F10: variants seen among roughly 807,000 people sequenced by gnomAD.
The protein encoded by F10 is coagulation factor X, also known as Stuart-Prower factor.
A neutral mutation model predicts 37.1 loss-of-function variants in F10; 29 were observed. The observed-to-expected ratio is 0.78, with a 90% CI of 0.58 to 1.07. The LOEUF is 1.07. Among genes scored for constraint, F10 ranks in the 50% least tolerant of loss-of-function variants. The probability of loss-of-function intolerance (pLI) is 0.00; values close to 1 mark genes in which losing one functional copy is unlikely to be tolerated. For synonymous variants in F10, 262 were observed against 268.6 expected (o/e 0.98, Z 0.24); for missense variants, 539 against 667.9 (o/e 0.81, Z 2.13).
chr13:113,123,046 C>A (rs1316627740), intron 1 of F10, 121 bp downstream of exon 1: 4 of 1,209,652 alleles, frequency 3.3e-6, no homozygotes, highest in Non-Finnish European at 4.7e-6. Flanking sequence ...CTGCCAGAGG[C>A]TGGGCTCGGA....
Position 113,146,512 on chromosome 13 carries a change from G to A in F10, c.748-867G>A, listed in dbSNP as rs554477265. Among the ~76,000 whole-genome samples the A allele has an allele frequency of 5.3e-4, 81 of 152,314 alleles. No homozygotes were observed. Among genetic ancestry groups the A allele is most frequent in the African/African-American group, 1.6e-3 (67 of 41,570 alleles). Reference sequence around the variant, plus strand: ...GTTTGCGATTCTTGTTTCCTGGTTCGAGTCTTGGCAAGTGGGCCTCATCTG... The same window carrying A: ...GTTTGCGATTCTTGTTTCCTGGTTCAAGTCTTGGCAAGTGGGCCTCATCTG... On this transcript the variant is annotated intron_variant, in intron 6 of 7. Coordinates refer to ENST00000375559, the MANE Select transcript of F10 (RefSeq NM_000504.4). The surrounding 1 kb of genome is among the most constrained non-coding windows in gnomAD (Gnocchi z 4.5).
Position 113,143,982 on chromosome 13 carries a change from G to C in F10, c.634G>C (p.Glu212Gln), listed in dbSNP as rs556947824. ...TGATGCAGCCGACCTGGACCCCACC[G>C]AGAACCCCTTCGACCTGCTTGACTT... ...PYDAADLDPT[E>Q]NPFDLLDFNQ... Residue 212 changes from glutamate (E) to glutamine (Q), a missense_variant, in exon 6 of 8, where the codon GAG (glutamate) becomes CAG (glutamine). Glu to Gln is a conservative substitution (Grantham distance 29, BLOSUM62 2). Around this residue, in one of 2 missense-constraint regions of F10, gnomAD observed 409 missense variants for 547.9 expected, o/e 0.75. Transcript: ENST00000375559. The surrounding 1 kb of genome is among the most constrained non-coding windows in gnomAD (Gnocchi z 6.8). 6.2e-7 allele frequency: 1 copy of C among 1,613,516 alleles called. No individual in the cohort carries two copies. The highest frequency in any genetic ancestry group is 1.1e-5 in the South Asian group (1 of 91,070).
intron 2 of F10, among the ~76,000 whole-genome samples, chr13:113,134,406 A>G (rs1274180347): frequency 6.6e-6 from 1 of 152,234 alleles, no homozygotes; most frequent in Non-Finnish European, 1.5e-5. Context: ...ACTTACAATC[A>G]TGGCAGAAAA....
At position 113,142,556 on chromosome 13, in the gene F10, CAAAA is replaced by C. The variant is rs5806973; in HGVS notation, c.503-1276_503-1273del. Among the ~76,000 whole-genome samples the C allele has an allele frequency of 1.7e-3, 106 of 61,366 alleles. 4 individuals are homozygous for C. Among genetic ancestry groups the C allele is most frequent in the African/African-American group, 5.1e-3 (89 of 17,550 alleles). The allele number at this position is 61,366 out of a possible 152,430, so 40.3% of individuals were successfully genotyped here. On this transcript the variant is annotated intron_variant, in intron 5 of 7. Coordinates refer to ENST00000375559, the MANE Select transcript of F10 (RefSeq NM_000504.4). ...TGGGCAACAGAATGAGACTCTGTCTCAAAAAAAAAAAAAAAAAAAAAATCAAAAG... is the reference window on the plus strand; with the variant it reads ...TGGGCAACAGAATGAGACTCTGTCTCAAAAAAAAAAAAAAAAAATCAAAAG...
Position 113,143,302 on chromosome 13 carries a change from T to C in F10, c.503-549T>C, listed in dbSNP as rs2036549686. Among the ~76,000 whole-genome samples the C allele has an allele frequency of 6.6e-6, 1 of 152,196 alleles. No homozygotes were observed. The highest frequency in any genetic ancestry group is 1.5e-5 in the Non-Finnish European group (1 of 68,030). On this transcript the variant is annotated intron_variant, in intron 5 of 7. Coordinates refer to ENST00000375559, the MANE Select transcript of F10 (RefSeq NM_000504.4). The surrounding 1 kb of genome is among the most constrained non-coding windows in gnomAD (Gnocchi z 6.8). Reference sequence around the variant, plus strand: ...CTCGGCGTGGCCTCTCTGGGAGCTGTGCTATTCCAGACGCTCTCCTGTGCC... The same window carrying C: ...CTCGGCGTGGCCTCTCTGGGAGCTGCGCTATTCCAGACGCTCTCCTGTGCC...
chr13:113,140,907 T>C lies in F10; in HGVS notation c.371-12T>C, dbSNP rs1033324692. 5.6e-6 allele frequency: 9 copies of C among 1,613,826 alleles called. No individual in the cohort carries two copies. The African/African-American group carries it at 1.2e-4, about 22-fold the overall frequency. ...CAGCTGTCCCCAGAGCCAACGTGCC[T>C]CTCCTTTGCAGTCACACGGAAGCTC... On this transcript the variant is annotated splice_polypyrimidine_tract_variant and intron_variant, in intron 4 of 7. Coordinates refer to ENST00000375559, the MANE Select transcript of F10 (RefSeq NM_000504.4).
intron 1 of F10, among the ~76,000 whole-genome samples, chr13:113,129,146 G>T (rs1400119798): frequency 3.3e-5 from 5 of 152,152 alleles, no homozygotes; most frequent in Admixed American, 2.6e-4. Flanking sequence ...TCAGCCTCAA[G>T]GTCTCTTAAC....
intron 7 of F10, 84 bp from the exon 8 acceptor site, chr13:113,148,831 AT>A: frequency 1.3e-6 from 2 of 1,535,108 alleles, no homozygotes; most frequent in Non-Finnish European, 8.8e-7. Context: ...ATTTAAAAAA[AT>A]ATATATAACT....
At chr13:113,136,430 G>A (rs1209942239) in intron 2 of F10, among the ~76,000 whole-genome samples, 2 of 150,648 alleles carry the variant, frequency 1.3e-5, no homozygotes, top group African/African-American at 2.4e-5. Context: ...GTACATAAAT[G>A]TCTATAGCAA....
At chr13:113,137,565 G>A (rs754661570) in intron 2 of F10, among the ~76,000 whole-genome samples, 6 of 152,164 alleles carry the variant, frequency 3.9e-5, no homozygotes, top group African/African-American at 1.2e-4. Context: ...CACTACAAAC[G>A]CCTTAAAATA....
At chr13:113,133,420 C>T (rs2036451639) in intron 2 of F10, among the ~76,000 whole-genome samples, 1 of 152,136 alleles carries the variant, frequency 6.6e-6, no homozygotes, top group Non-Finnish European at 1.5e-5. Flanking sequence ...CTTTGAACAA[C>T]TCTGCATATA....
chr13:113,128,886 G>GAAAA (rs778396585), intron 1 of F10: 10 of 44,816 alleles, frequency 2.2e-4, no homozygotes, highest in Non-Finnish European at 2.7e-4. Flanking sequence ...ATCTTAAAGA[G>GAAAA]AAAAAAAAAA....
At position 113,142,663 on chromosome 13, in the gene F10, C is replaced by T. The variant is rs527570858; in HGVS notation, c.503-1188C>T. Among the ~76,000 whole-genome samples the T allele has an allele frequency of 3.4e-5, 5 of 147,886 alleles. 1 individual carries two copies. Among genetic ancestry groups the T allele is most frequent in the Admixed American group, 6.7e-5 (1 of 14,910 alleles). ...AGTTCAGGCTGGGCAAGGTGGCTCACGCCTGTAATCCCAGCACTTTGGGAA... is the reference window on the plus strand; with the variant it reads ...AGTTCAGGCTGGGCAAGGTGGCTCATGCCTGTAATCCCAGCACTTTGGGAA... On this transcript the variant is annotated intron_variant, in intron 5 of 7. Transcript: ENST00000375559.
chr13:113,144,196 G>A lies in F10; in HGVS notation c.747+101G>A. On this transcript the variant is annotated intron_variant, in intron 6 of 7. Transcript: ENST00000375559. The surrounding 1 kb of genome is among the most constrained non-coding windows in gnomAD (Gnocchi z 6.4). ...ACACTTGGAATAGCAATCCGGGAAG[G>A]AACTGTTCCGAACTAGGACAGAGGG... The A allele has an allele frequency of 6.4e-7, 1 of 1,552,612 alleles. No individual in the cohort carries two copies. The highest frequency in any genetic ancestry group is 1.1e-5 in the South Asian group (1 of 88,426).
intron 4 of F10, 166 bp from the exon 5 acceptor site, chr13:113,140,753 A>G: frequency 2.1e-6 from 2 of 974,668 alleles, no homozygotes. Flanking sequence ...GTGACCCGTG[A>G]GGTTGCCCTT....
At chr13:113,140,572 T>C (rs2036518211) in intron 4 of F10, 1 of 518,416 alleles carries the variant, frequency 1.9e-6, no homozygotes, top group Non-Finnish European at 3.9e-6. Context: ...TTCAGGCATG[T>C]TGATCTTTGC....
chr13:113,132,265 T>C (rs192665925), intron 2 of F10, among the ~76,000 whole-genome samples: 10 of 152,364 alleles, frequency 6.6e-5, no homozygotes, highest in African/African-American at 2.4e-4. Flanking sequence ...ACTGGTAGAA[T>C]TTTTCTTTAG....
Position 113,144,224 on chromosome 13 carries a change from T to C in F10, c.747+129T>C. 7.0e-7 allele frequency: 1 copy of C among 1,419,040 alleles called. No homozygotes were observed. Among genetic ancestry groups the C allele is most frequent in the Non-Finnish European group, 9.6e-7 (1 of 1,040,758 alleles). 87.9% of individuals were successfully genotyped at this position (1,419,040 alleles called of 1,614,324 possible). A position where few individuals can be genotyped will look rare whatever the true frequency, so the allele number is the denominator to read the frequency against. ...CTGTTCCGAACTAGGACAGAGGGGC[T>C]CCGCCACCCAAGCCTGCCTGCCTGT... On this transcript the variant is annotated intron_variant, in intron 6 of 7. Transcript: ENST00000375559. The surrounding 1 kb of genome is among the most constrained non-coding windows in gnomAD (Gnocchi z 6.4).
rs562209660 is a variant in F10, at chr13:113,129,366, G to A, written c.71-86G>A. 3.6e-4 allele frequency: 564 copies of A among 1,545,552 alleles called. 5 individuals are homozygous for A. In the South Asian group the frequency reaches 6.1e-3, roughly 17 times the overall value. On this transcript the variant is annotated intron_variant, in intron 1 of 7. Transcript: ENST00000375559. ...GCCTTTTGTGATCTGGATATGGCAA[G>A]GGACATGGCAGTCAGGGAGCATAGG...
Sources: allele counts gnomAD v4.1 joint callset (sites outside exome capture counted in the v4.1 genomes callset), GRCh38; gene constraint gnomAD v4.1.1; regional missense constraint gnomAD v4.1.1; non-coding constraint Gnocchi (gnomAD v3.1); transcripts MANE v1.5; gene names NCBI Gene and HGNC (gene_info 2026-07-23, HGNC 2026-07-21).